LUC7L: variants seen among roughly 807,000 people sequenced by gnomAD.
The protein encoded by LUC7L is LUC7 like, also known as putative RNA-binding protein Luc7-like 1.
LUC7L carries 29 observed loss-of-function variants against 51.1 expected under a neutral mutation model. The ratio of observed to expected loss-of-function variants is 0.57; its 90% confidence interval spans 0.42 to 0.77. The LOEUF (loss-of-function observed/expected upper bound fraction) is 0.77, where lower values mean the gene tolerates loss of function less well. Among genes scored for constraint, LUC7L ranks in the 30% least tolerant of loss-of-function variants. The probability of loss-of-function intolerance (pLI) is 0.00; values close to 1 mark genes in which losing one functional copy is unlikely to be tolerated. For missense variants in LUC7L, 403 were observed against 511.9 expected (o/e 0.79, Z 2.05); for synonymous variants, 181 against 180.7 (o/e 1.00, Z -0.01).
rs373417681 is a variant in LUC7L, at chr16:189,194, G to A, written c.*4C>T. 187 of 1,611,568 alleles carry A rather than the reference G, an allele frequency of 1.2e-4. 1 individual carries two copies. In the South Asian group the frequency reaches 1.2e-3, roughly 11 times the overall value. ...AGACTATTTACAGCACCCGGGAGAC[G>A]GGTTCAGATCTCGCCGGCCTCCTTC... On this transcript the variant is annotated 3_prime_UTR_variant, in exon 10 of 10. Transcript: ENST00000293872.
At chr16:199,989 A>T (rs1048119134) in intron 5 of LUC7L, among the ~76,000 whole-genome samples, 12 of 66,308 alleles carry the variant, frequency 1.8e-4, no homozygotes, top group African/African-American at 3.9e-4. Context: ...ACTCCATCTT[A>T]AAAAAAAAAG....
intron 2 of LUC7L, among the ~76,000 whole-genome samples, chr16:221,527 C>T (rs946719783): frequency 5.3e-5 from 8 of 151,890 alleles, no homozygotes; most frequent in African/African-American, 1.7e-4. Flanking sequence ...CATGATAAAA[C>T]CCAGTCTCCA....
chr16:191,108 G>A (rs531456460), intron 7 of LUC7L, among the ~76,000 whole-genome samples: 101 of 152,250 alleles, frequency 6.6e-4, no homozygotes, highest in African/African-American at 2.4e-3. Context: ...CCACATCCGA[G>A]CATCAGACGC....
intron 2 of LUC7L, among the ~76,000 whole-genome samples, chr16:224,868 T>C (rs1025418352): frequency 7.2e-5 from 11 of 151,930 alleles, no homozygotes; most frequent in Admixed American, 7.2e-4. Context: ...AATTCAGCAC[T>C]TACTTTTCAA....
chr16:192,333 C>A (rs1168608045), intron 7 of LUC7L, among the ~76,000 whole-genome samples: 1 of 152,068 alleles, frequency 6.6e-6, no homozygotes, highest in Non-Finnish European at 1.5e-5. Flanking sequence ...GCAGGCACCA[C>A]CCCTCCTGCG....
intron 2 of LUC7L, among the ~76,000 whole-genome samples, chr16:222,151 T>C (rs933536865): frequency 5.9e-5 from 9 of 152,136 alleles, no homozygotes; most frequent in Admixed American, 2.0e-4. Context: ...GATTTTAATC[T>C]AAATCCTAAG....
intron 5 of LUC7L, among the ~76,000 whole-genome samples, chr16:200,092 G>A (rs1009085206): frequency 6.6e-6 from 1 of 151,576 alleles, no homozygotes; most frequent in African/African-American, 2.4e-5. Context: ...AGTTCAAGAC[G>A]AGCCTGGCAA....
chr16:212,290 T>A (rs1234550947), intron 3 of LUC7L, among the ~76,000 whole-genome samples: 1 of 151,948 alleles, frequency 6.6e-6, no homozygotes, highest in African/African-American at 2.4e-5. Context: ...CGAAACTCCA[T>A]CTCAAAAAAC....
At chr16:195,355 G>C (rs577949151) in intron 6 of LUC7L, among the ~76,000 whole-genome samples, 5 of 152,042 alleles carry the variant, frequency 3.3e-5, no homozygotes, top group African/African-American at 9.6e-5. Flanking sequence ...AGGAGTTCCA[G>C]GTTACAGTGA....
At chr16:202,443 CAA>C (rs1055862774) in intron 5 of LUC7L, among the ~76,000 whole-genome samples, 2 of 152,118 alleles carry the variant, frequency 1.3e-5, no homozygotes, top group African/African-American at 4.8e-5. Context: ...CAAACCGTAT[CAA>C]GTGTTATTTT....
chr16:222,079 G>A (rs1219352704), intron 2 of LUC7L, among the ~76,000 whole-genome samples: 1 of 152,132 alleles, frequency 6.6e-6, no homozygotes, highest in Non-Finnish European at 1.5e-5. Flanking sequence ...TATGTTGTCA[G>A]TAAGAACAGC....
intron 1 of LUC7L, 47 bp from the exon 2 acceptor site, chr16:227,383 C>T (rs1162221480): frequency 1.7e-5 from 27 of 1,558,408 alleles, no homozygotes; most frequent in Non-Finnish European, 2.2e-5. Context: ...ATCACATTAA[C>T]CACCAAAAAA....
intron 4 of LUC7L, among the ~76,000 whole-genome samples, 198 bp from the exon 5 acceptor site, chr16:206,345 G>A (rs1246338401): frequency 6.6e-6 from 1 of 152,216 alleles, no homozygotes; most frequent in East Asian, 1.9e-4. Flanking sequence ...TGAAACCAGT[G>A]GCACCTTTGT....
intron 8 of LUC7L, 110 bp from the exon 9 acceptor site, chr16:190,245 T>A: frequency 1.0e-6 from 1 of 975,662 alleles, no homozygotes; most frequent in Non-Finnish European, 1.5e-6. Flanking sequence ...TCTCCTTTAC[T>A]CCCACAAATT....
chr16:229,199 G>T (rs773569434), intron 1 of LUC7L, 80 bp downstream of exon 1: 1 of 1,500,602 alleles, frequency 6.7e-7, no homozygotes, highest in South Asian at 1.2e-5. Flanking sequence ...GCAGACGATC[G>T]CGGCCCCCGC....
chr16:213,544 T>C (rs1284792762), intron 3 of LUC7L, among the ~76,000 whole-genome samples: 2 of 151,822 alleles, frequency 1.3e-5, no homozygotes, highest in Non-Finnish European at 2.9e-5. Flanking sequence ...GGATTGCAGG[T>C]GCACACCACA....
intron 1 of LUC7L, chr16:227,702 G>C (rs1286915593): frequency 1.9e-6 from 2 of 1,034,056 alleles, no homozygotes; most frequent in Non-Finnish European, 2.3e-6. Context: ...GTGACTTATA[G>C]AGCTGGTAAT....
intron 6 of LUC7L, among the ~76,000 whole-genome samples, chr16:196,276 T>C (rs564640935): frequency 2.4e-4 from 37 of 151,988 alleles, no homozygotes; most frequent in Admixed American, 1.4e-3. Context: ...GGCATGGTGG[T>C]GCACGCCTAT....
At chr16:224,356 T>C (rs1359845802) in intron 2 of LUC7L, among the ~76,000 whole-genome samples, 1 of 150,224 alleles carries the variant, frequency 6.7e-6, no homozygotes, top group African/African-American at 2.5e-5. Context: ...CCGTCTCTAC[T>C]AAAAATACAA....
Sources: allele counts gnomAD v4.1 joint callset (sites outside exome capture counted in the v4.1 genomes callset), GRCh38; gene constraint gnomAD v4.1.1; transcripts MANE v1.5; gene names NCBI Gene and HGNC (gene_info 2026-07-23, HGNC 2026-07-21).